PPP6C: variants seen among roughly 807,000 people sequenced by gnomAD.
PPP6C encodes the protein protein phosphatase 6 catalytic subunit.
Under a neutral mutation model 39.8 loss-of-function variants are expected in PPP6C, and 11 were observed. That is an observed-to-expected ratio of 0.28 (90% CI 0.17 to 0.46). PPP6C has a LOEUF of 0.46. Among genes scored for constraint, PPP6C ranks in the 20% least tolerant of loss-of-function variants. The probability of loss-of-function intolerance (pLI) is 1.00; values close to 1 mark genes in which losing one functional copy is unlikely to be tolerated. For synonymous variants in PPP6C, 129 were observed against 130.3 expected, an observed-to-expected ratio of 0.99 and a Z score of 0.07; for missense variants, 211 against 373.9, an observed-to-expected ratio of 0.56 and a Z score of 3.59.
At position 125,146,930 on chromosome 9, in the gene PPP6C, C is replaced by T. The variant is rs1414835765; in HGVS notation, c.*2743G>A. On this transcript the variant is annotated 3_prime_UTR_variant, in exon 7 of 7. Coordinates refer to ENST00000373547, the MANE Select transcript of PPP6C (RefSeq NM_002721.5). ...TTTCCAAAACCTGGTTCTGGGCTTA[C>T]AAAGCACACACACACAAATCTTAAT... 6.6e-6 allele frequency: 1 copy of T among 152,162 alleles called. No individual in the cohort carries two copies. Among genetic ancestry groups the T allele is most frequent in the Non-Finnish European group, 1.5e-5 (1 of 68,024 alleles). 9.4% of individuals were successfully genotyped at this position (152,162 alleles called of 1,614,324 possible).
intron 1 of PPP6C, chr9:125,188,992 G>C (rs1370793198): frequency 1.4e-6 from 2 of 1,421,024 alleles, no homozygotes; most frequent in Non-Finnish European, 1.9e-6. Flanking sequence ...TATTTATTGA[G>C]AACCAACTAC....
chr9:125,152,738 G>A (rs1328248959), intron 6 of PPP6C, among the ~76,000 whole-genome samples: 1 of 151,914 alleles, frequency 6.6e-6, no homozygotes, highest in Non-Finnish European at 1.5e-5. Flanking sequence ...GCTGAGACAG[G>A]AGAATCGCTT....
chr9:125,171,482 T>TACACACACACACAC, intron 1 of PPP6C, among the ~76,000 whole-genome samples: 1 of 33,046 alleles, frequency 3.0e-5, no homozygotes, highest in Admixed American at 2.4e-4. Flanking sequence ...CACACACATA[T>TACACACACACACAC]ATATATATAT....
At chr9:125,175,269 T>C (rs1045350266) in intron 1 of PPP6C, among the ~76,000 whole-genome samples, 1 of 152,056 alleles carries the variant, frequency 6.6e-6, no homozygotes, top group Non-Finnish European at 1.5e-5. Context: ...TTTCTGAACT[T>C]TGAGCCTTAA....
rs1339261508 is a variant in PPP6C, at chr9:125,158,340, T to A, written c.280A>T (p.Thr94Ser). 1.2e-6 allele frequency: 2 copies of A among 1,613,376 alleles called. No individual in the cohort carries two copies. Among genetic ancestry groups the A allele is most frequent in the Non-Finnish European group, 1.7e-6 (2 of 1,179,484 alleles). The change falls in exon 4 of 7, where the codon ACT becomes TCT. Residue 94 changes from threonine (T) to serine (S), a missense_variant. Coordinates refer to ENST00000373547, the MANE Select transcript of PPP6C (RefSeq NM_002721.5). ...TTAGCCTTTAATGCAAGAAGGTAAGTGAAGGTCTCCAAACTATAGTAACCT... is the reference window on the plus strand; with the variant it reads ...TTAGCCTTTAATGCAAGAAGGTAAGAGAAGGTCTCCAAACTATAGTAACCT... The part of the protein sequence containing the change: ...DRGYYSLETF[T>S]YLLALKAKWP...
intron 1 of PPP6C, among the ~76,000 whole-genome samples, chr9:125,186,279 T>G (rs1157195163): frequency 6.6e-6 from 1 of 151,862 alleles, no homozygotes; most frequent in Non-Finnish European, 1.5e-5. Context: ...TTGCACTTCA[T>G]GCCAAGAAAC....
intron 2 of PPP6C, among the ~76,000 whole-genome samples, chr9:125,167,715 A>AATTT: frequency 7.1e-6 from 1 of 141,258 alleles, no homozygotes; most frequent in East Asian, 2.3e-4. Context: ...AAAAAAAAAA[A>AATTT]TTTTTTTTTT....
rs143298088 is a variant in PPP6C at position 125,186,563 on chromosome 9, T to C, written c.75+3081A>G. Among the ~76,000 whole-genome samples, 1,270 of 151,722 alleles carry C rather than the reference T, an allele frequency of 8.4e-3. 43 individuals carry two copies. The highest frequency in any genetic ancestry group is 0.029 in the African/African-American group (1,191 of 41,198). ...GAGTTCAAGACTGGCCTGGGTAACA[T>C]AGCAAGACCCTGTCTCTACCAAAAA... On this transcript the variant is annotated intron_variant, in intron 1 of 6. Transcript: ENST00000373547.
chr9:125,165,795 C>CT (rs781221037), intron 2 of PPP6C, among the ~76,000 whole-genome samples: 1,774 of 113,588 alleles, frequency 0.016, 100 homozygotes, highest in Admixed American at 0.087. Flanking sequence ...TAATCTTTTG[C>CT]TTTTTTTTTT....
At chr9:125,161,107 G>T (rs1418712762) in intron 2 of PPP6C, among the ~76,000 whole-genome samples, 1 of 152,070 alleles carries the variant, frequency 6.6e-6, no homozygotes, top group African/African-American at 2.4e-5. Context: ...TTACCATAAA[G>T]TCACTCCTAG....
intron 4 of PPP6C, among the ~76,000 whole-genome samples, chr9:125,155,752 A>C (rs1836052996): frequency 6.6e-6 from 1 of 151,984 alleles, no homozygotes; most frequent in African/African-American, 2.4e-5. Flanking sequence ...AAAATACAAA[A>C]AAATTAGCCG....
intron 1 of PPP6C, among the ~76,000 whole-genome samples, chr9:125,175,622 G>A (rs139962267): frequency 0.024 from 3,249 of 137,160 alleles, 124 homozygotes; most frequent in African/African-American, 0.084. Flanking sequence ...CAGCCTGGTC[G>A]ACACAGCGAG....
chr9:125,182,843 C>A (rs555606856), intron 1 of PPP6C, among the ~76,000 whole-genome samples: 1 of 151,198 alleles, frequency 6.6e-6, no homozygotes, highest in African/African-American at 2.4e-5. Context: ...CTTTGGGGGG[C>A]AAAATTGCCC....
chr9:125,165,607 G>A (rs1828995612), intron 2 of PPP6C, among the ~76,000 whole-genome samples: 1 of 152,028 alleles, frequency 6.6e-6, no homozygotes, highest in African/African-American at 2.4e-5. Context: ...AATATACTAA[G>A]TAAAGCAGAT....
chr9:125,151,690 C>T (rs1835947339), intron 6 of PPP6C: 1 of 472,550 alleles, frequency 2.1e-6, no homozygotes, highest in Non-Finnish European at 4.0e-6. Context: ...CAGCTTGCTC[C>T]AGTGTAGCTT....
At chr9:125,178,546 GGCTACAGTGAGGAAATCTTA>G (rs1244520043) in intron 1 of PPP6C, among the ~76,000 whole-genome samples, 1 of 152,092 alleles carries the variant, frequency 6.6e-6, no homozygotes, top group Non-Finnish European at 1.5e-5. Context: ...CAGGCAAGTA[GGCTACAGTGAGGAAATCTTA>G]GTTAAGAAAC....
chr9:125,166,869 T>C (rs549249687), intron 2 of PPP6C, among the ~76,000 whole-genome samples: 1 of 152,142 alleles, frequency 6.6e-6, no homozygotes, highest in East Asian at 1.9e-4. Context: ...GTAGATATGC[T>C]TTATGCATAC....
rs1184973502 is a variant in PPP6C at position 125,161,415 on chromosome 9, G to GT, written c.172-510dup. Among the ~76,000 whole-genome samples, 38 of 152,080 alleles carry GT rather than the reference G, an allele frequency of 2.5e-4. No homozygotes were observed. The East Asian group carries it at 7.1e-3, about 29-fold the overall frequency. ...CCATGGAGTGTCTCCTCAATGATCA[G>GT]TTAAAAAAAAATTATATATTTCATC... On this transcript the variant is annotated intron_variant, in intron 2 of 6. Transcript: ENST00000373547.
intron 3 of PPP6C, 55 bp downstream of exon 3, chr9:125,160,786 A>C (rs1828852999): frequency 9.7e-6 from 12 of 1,238,756 alleles, no homozygotes; most frequent in Non-Finnish European, 1.4e-5. Context: ...TACATTTAAT[A>C]AGTCAGATCC....
Sources: gnomAD v4.1 joint callset for allele counts (sites outside exome capture counted in the v4.1 genomes callset) on GRCh38, gnomAD v4.1.1 for gene constraint, MANE v1.5 for transcripts, NCBI Gene and HGNC (gene_info 2026-07-23, HGNC 2026-07-21) for gene names.